Variants in GSK3B observed in about 807,000 individuals in gnomAD.
The protein encoded by GSK3B is glycogen synthase kinase-3 beta.
GSK3B carries 15 observed loss-of-function variants against 56.4 expected under a neutral mutation model. The observed-to-expected ratio is 0.27, with a 90% CI of 0.18 to 0.41. The LOEUF (loss-of-function observed/expected upper bound fraction) is 0.41, where lower values mean the gene tolerates loss of function less well. Ranked by LOEUF, GSK3B falls within the 10% of genes least tolerant of loss-of-function variation. The probability of loss-of-function intolerance (pLI) is 1.00; values close to 1 mark genes in which losing one functional copy is unlikely to be tolerated. For missense variants in GSK3B, 300 were observed against 513.4 expected, an observed-to-expected ratio of 0.58 and a Z score of 4.02; for synonymous variants, 181 against 188.9, an observed-to-expected ratio of 0.96 and a Z score of 0.34.
chr3:119,883,245 A>G (rs1309959744), intron 7 of GSK3B, among the ~76,000 whole-genome samples: 2 of 151,990 alleles, frequency 1.3e-5, no homozygotes, highest in African/African-American at 2.4e-5. Context: ...ATTAAAAAAT[A>G]CTAAAAATTC....
At chr3:119,944,148 T>C (rs1322520219) in intron 3 of GSK3B, among the ~76,000 whole-genome samples, 1 of 152,180 alleles carries the variant, frequency 6.6e-6, no homozygotes, top group Non-Finnish European at 1.5e-5. Context: ...TGAGTTATTC[T>C]TTCTCATCTT....
At position 120,093,629 on chromosome 3, in the gene GSK3B, C is replaced by T. The variant is rs2058534049; in HGVS notation, c.-195G>A. On this transcript the variant is annotated 5_prime_UTR_variant, in exon 1 of 11. It removes the in-frame stop codon of an upstream open reading frame in the 5' UTR. Coordinates refer to ENST00000264235, the MANE Select transcript of GSK3B (RefSeq NM_001146156.2). ...CAAAACAAGCGATATATTTCTCCTTCAAGACAGATCGGCACGGATATTTAA... is the reference window on the plus strand; with the variant it reads ...CAAAACAAGCGATATATTTCTCCTTTAAGACAGATCGGCACGGATATTTAA... 2.0e-6 allele frequency: 1 copy of T among 494,488 alleles called. No individual in the cohort carries two copies. Among genetic ancestry groups the T allele is most frequent in the Non-Finnish European group, 3.7e-6 (1 of 273,314 alleles). The allele number at this position is 494,488 out of a possible 1,614,324, so 30.6% of individuals were successfully genotyped here. A position where few individuals can be genotyped will look rare whatever the true frequency, so the allele number is the denominator to read the frequency against.
intron 7 of GSK3B, among the ~76,000 whole-genome samples, chr3:119,901,965 T>C (rs191835157): frequency 3.3e-5 from 5 of 152,246 alleles, no homozygotes; most frequent in Admixed American, 1.3e-4. Context: ...TACTCTCTTA[T>C]GAGGTTTTCT....
At chr3:119,950,394 A>C (rs2057146087) in intron 2 of GSK3B, among the ~76,000 whole-genome samples, 1 of 152,086 alleles carries the variant, frequency 6.6e-6, no homozygotes, top group Admixed American at 6.5e-5. Flanking sequence ...GATCTAGGGA[A>C]GATGGTTACA....
At position 119,868,735 on chromosome 3, in the gene GSK3B, C is replaced by G. The variant is rs143940602; in HGVS notation, c.910-5130G>C. Reference sequence around the variant, plus strand: ...AGCTATTCCTCATTAGTTTTTATTACTATAAATGTACAACACTCATCCTAT... The same window carrying G: ...AGCTATTCCTCATTAGTTTTTATTAGTATAAATGTACAACACTCATCCTAT... On this transcript the variant is annotated intron_variant, in intron 8 of 10. Transcript: ENST00000264235. Among the ~76,000 whole-genome samples the G allele has an allele frequency of 1.8e-4, 28 of 152,268 alleles. No individual in the cohort carries two copies. The East Asian group carries it at 5.2e-3, about 28-fold the overall frequency.
At chr3:119,896,511 A>C (rs1216607068) in intron 7 of GSK3B, among the ~76,000 whole-genome samples, 1 of 152,162 alleles carries the variant, frequency 6.6e-6, no homozygotes, top group Admixed American at 6.5e-5. Flanking sequence ...TAGCATCACA[A>C]GCCAAGATTT....
In GSK3B at chr3:120,002,226, G is replaced by C; in HGVS notation, c.102C>G (p.Gly34=). The change falls in exon 2 of 11, where the codon GGC becomes GGG. Residue 34 remains glycine, a synonymous_variant. Transcript: ENST00000264235. Reference sequence around the variant, plus strand: ...TTGCCACCACTGTTGTCACCTTGCTGCCGTCCTTGTCTCCTAAAGGAAGAA... The same window carrying C: ...TTGCCACCACTGTTGTCACCTTGCTCCCGTCCTTGTCTCCTAAAGGAAGAA... ...GSMKVSRDKD[G]SKVTTVVATP... 6.4e-7 allele frequency: 1 copy of C among 1,558,186 alleles called. No individual in the cohort carries two copies. The highest frequency in any genetic ancestry group is 8.6e-7 in the Non-Finnish European group (1 of 1,156,400).
intron 3 of GSK3B, 61 bp downstream of exon 3, chr3:119,947,207 A>G (rs1468435172): frequency 6.0e-6 from 6 of 991,928 alleles, no homozygotes; most frequent in Middle Eastern, 2.1e-4. Flanking sequence ...TGGGGAGATT[A>G]ATTTCTAGAA....
intron 2 of GSK3B, among the ~76,000 whole-genome samples, chr3:119,980,493 C>T (rs2057449400): frequency 6.6e-6 from 1 of 152,108 alleles, no homozygotes; most frequent in Admixed American, 6.6e-5. Flanking sequence ...GCTGGGATTA[C>T]AGGCATGTGC....
chr3:120,060,556 G>A (rs989922187), intron 1 of GSK3B, among the ~76,000 whole-genome samples: 2 of 151,850 alleles, frequency 1.3e-5, no homozygotes, highest in Non-Finnish European at 2.9e-5. Flanking sequence ...GGGAGACCCC[G>A]TCTCTACAAA....
chr3:120,087,305 G>A (rs2107583742), intron 1 of GSK3B, among the ~76,000 whole-genome samples: 1 of 152,286 alleles, frequency 6.6e-6, no homozygotes, highest in African/African-American at 2.4e-5. Flanking sequence ...GGCCGAGGTG[G>A]GAAGATCACA....
chr3:120,048,702 T>C (rs1397105029), intron 1 of GSK3B, among the ~76,000 whole-genome samples: 1 of 152,202 alleles, frequency 6.6e-6, no homozygotes, highest in Non-Finnish European at 1.5e-5. Context: ...AATTGGCACC[T>C]AGGTACCACA....
intron 7 of GSK3B, among the ~76,000 whole-genome samples, chr3:119,885,166 A>C (rs1255070839): frequency 6.6e-6 from 1 of 151,998 alleles, no homozygotes; most frequent in Non-Finnish European, 1.5e-5. Flanking sequence ...AAAATCAACA[A>C]ATGAATAAGT....
chr3:120,082,682 C>A (rs2058431610), intron 1 of GSK3B, among the ~76,000 whole-genome samples: 1 of 151,966 alleles, frequency 6.6e-6, no homozygotes, highest in East Asian at 1.9e-4. Context: ...GCATGAGCCA[C>A]CGCGCCCGGC....
chr3:119,841,331 C>T (rs1382919217), intron 10 of GSK3B, among the ~76,000 whole-genome samples: 5 of 152,124 alleles, frequency 3.3e-5, no homozygotes, highest in Non-Finnish European at 7.4e-5. Flanking sequence ...TTAATTAGTT[C>T]GCTATCTTGC....
At chr3:120,083,066 T>C (rs1411277607) in intron 1 of GSK3B, among the ~76,000 whole-genome samples, 1 of 151,752 alleles carries the variant, frequency 6.6e-6, no homozygotes, top group East Asian at 1.9e-4. Context: ...AACATCTATT[T>C]CTCAGTATCT....
intron 9 of GSK3B, among the ~76,000 whole-genome samples, chr3:119,844,135 G>T (rs147902833): frequency 6.6e-6 from 1 of 152,120 alleles, no homozygotes; most frequent in Admixed American, 6.5e-5. Context: ...TGAGAACAAA[G>T]ACACAACATA....
chr3:119,880,148 A>T (rs117137151), intron 7 of GSK3B, among the ~76,000 whole-genome samples: 1 of 152,264 alleles, frequency 6.6e-6, no homozygotes, highest in East Asian at 1.9e-4. Flanking sequence ...CCTGTCATTT[A>T]GATAAAAGCC....
chr3:119,983,803 A>G (rs2057487351), intron 2 of GSK3B, among the ~76,000 whole-genome samples: 1 of 152,214 alleles, frequency 6.6e-6, no homozygotes, highest in Non-Finnish European at 1.5e-5. Flanking sequence ...GATCAACTAC[A>G]AAAGGTTAAC....
Sources: allele counts gnomAD v4.1 joint callset (sites outside exome capture counted in the v4.1 genomes callset), GRCh38; gene constraint gnomAD v4.1.1; transcripts MANE v1.5; gene names NCBI Gene and HGNC (gene_info 2026-07-23, HGNC 2026-07-21).